The following TXLNB variants were observed in gnomAD, a reference collection of about 807,000 sequenced individuals.
TXLNB encodes the protein beta-taxilin.
Under a neutral mutation model 57.4 loss-of-function variants are expected in TXLNB, and 37 were observed. That is an observed-to-expected ratio of 0.64 (90% CI 0.50 to 0.85). The LOEUF is 0.85. Ranked by LOEUF, TXLNB falls within the 40% of genes least tolerant of loss-of-function variation. The pLI, the probability that TXLNB is intolerant of heterozygous loss-of-function variation, is 0.00. For missense variants in TXLNB, 848 were observed against 825.6 expected (o/e 1.03, Z -0.33); for synonymous variants, 302 against 309.6 (o/e 0.98, Z 0.26).
chr6:139,176,933 T>TC, the TXLNB span: 1 of 867,024 alleles, frequency 1.2e-6, no homozygotes, highest in Non-Finnish European at 2.0e-6. This position sits in a 1 kb window ranked among gnomAD's most constrained non-coding sequence, Gnocchi z 4.5. Flanking sequence ...GGTGTCTGTT[T>TC]CCCCCAGGCC....
chr6:139,210,816 G>A, the TXLNB span, among the ~76,000 whole-genome samples: 3 of 152,218 alleles, frequency 2.0e-5, no homozygotes, highest in South Asian at 2.1e-4. Flanking sequence ...CTTAGCAAAC[G>A]GCACACCAGG....
At chr6:139,316,074 G>C in the TXLNB span, among the ~76,000 whole-genome samples, 1 of 152,182 alleles carries the variant, frequency 6.6e-6, no homozygotes, top group Non-Finnish European at 1.5e-5. Context: ...TATTTGGTAA[G>C]AATATACAGA....
intron 3 of TXLNB, among the ~76,000 whole-genome samples, chr6:139,273,889 A>C (rs1368991708): frequency 6.6e-6 from 1 of 152,248 alleles, no homozygotes; most frequent in East Asian, 1.9e-4. Flanking sequence ...TGAAAAATAC[A>C]CATTCCCTGC....
intron 2 of TXLNB, among the ~76,000 whole-genome samples, chr6:139,281,069 T>A (rs891432314): frequency 5.9e-5 from 9 of 152,060 alleles, no homozygotes; most frequent in African/African-American, 1.4e-4. Flanking sequence ...TTTATTTTTT[T>A]ATTTTTATTA....
rs1775975566 is a variant in TXLNB, at chr6:139,242,806, C to T, written c.1775G>A (p.Gly592Asp). ...ATCAGCCTGTGCTCCAACAGGGAGA[C>T]CCTCGCATTGGGTTTCTGCTCCCAA... The part of the protein sequence containing the change: ...AGLGAETQCE[G>D]LPVGAQADQA... The change falls in exon 10 of 10, where the codon GGT (glycine) becomes GAT (aspartate). Residue 592 changes from glycine to aspartate, a missense_variant. Gly to Asp is a moderately conservative substitution (Grantham distance 94, BLOSUM62 -1). Transcript: ENST00000358430. The T allele has an allele frequency of 4.3e-6, 7 of 1,614,110 alleles. No individual in the cohort carries two copies. Among genetic ancestry groups the T allele is most frequent in the East Asian group, 2.2e-5 (1 of 44,878 alleles).
chr6:139,297,327 A>G, the TXLNB span, among the ~76,000 whole-genome samples: 1 of 152,226 alleles, frequency 6.6e-6, no homozygotes, highest in South Asian at 2.1e-4. Context: ...GCAGTCCAGT[A>G]ATGAAATGAC....
the TXLNB span, among the ~76,000 whole-genome samples, chr6:139,302,852 T>C: frequency 6.6e-6 from 1 of 152,126 alleles, no homozygotes; most frequent in Non-Finnish European, 1.5e-5. Context: ...TATTGTGTAA[T>C]AAAACTGGAA....
At chr6:139,219,298 TG>T in the TXLNB span, among the ~76,000 whole-genome samples, 1 of 152,234 alleles carries the variant, frequency 6.6e-6, no homozygotes, top group East Asian at 1.9e-4. Flanking sequence ...GTCCAGTTGC[TG>T]GGTATACAGT....
intron 7 of TXLNB, among the ~76,000 whole-genome samples, chr6:139,252,245 G>A (rs1363632647): frequency 6.6e-6 from 1 of 152,224 alleles, no homozygotes; most frequent in Non-Finnish European, 1.5e-5. Context: ...CCTTAGAAAT[G>A]GGGCCTTGGC....
the TXLNB span, among the ~76,000 whole-genome samples, chr6:139,226,302 C>CAAAAAAAAA: frequency 1.3e-4 from 5 of 39,236 alleles, no homozygotes; most frequent in Non-Finnish European, 1.2e-4. Context: ...GACCCTGTCT[C>CAAAAAAAAA]AAAAAAAAAA....
chr6:139,183,457 A>ACTT, the TXLNB span: 13 of 152,168 alleles, frequency 8.5e-5, no homozygotes, highest in Non-Finnish European at 1.9e-4. Context: ...TTAAATGTGA[A>ACTT]CTTTAGATCC....
chr6:139,178,530 T>C, the TXLNB span: 1 of 151,998 alleles, frequency 6.6e-6, no homozygotes, highest in Non-Finnish European at 1.5e-5. Context: ...TGTGTGGTTT[T>C]TCTTTTCAGA....
At chr6:139,173,495 A>G in the TXLNB span, among the ~76,000 whole-genome samples, 1 of 152,192 alleles carries the variant, frequency 6.6e-6, no homozygotes. Context: ...CTGAAGACCC[A>G]TAGTCTGACT....
the TXLNB span, among the ~76,000 whole-genome samples, chr6:139,224,233 G>T: frequency 1.3e-5 from 2 of 149,012 alleles, no homozygotes; most frequent in East Asian, 4.0e-4. Context: ...ACTCATAGGT[G>T]GGAATTGAAC....
At chr6:139,294,832 T>C (rs891990940), upstream of TXLNB, among the ~76,000 whole-genome samples, 1 of 152,044 alleles carries the variant, frequency 6.6e-6, no homozygotes, top group African/African-American at 2.4e-5. Context: ...TCTACTAAAA[T>C]ACAGAAATTA....
the TXLNB span, among the ~76,000 whole-genome samples, chr6:139,211,193 C>A: frequency 1.3e-5 from 2 of 152,210 alleles, no homozygotes; most frequent in African/African-American, 4.8e-5. Flanking sequence ...TCAAGTGGGT[C>A]CCTGACCCCT....
At chr6:139,215,673 A>G in the TXLNB span, among the ~76,000 whole-genome samples, 1 of 152,238 alleles carries the variant, frequency 6.6e-6, no homozygotes. Context: ...AGAAACTACC[A>G]TCAGAGTGAA....
At chr6:139,269,279 A>C (rs1776698580) in intron 4 of TXLNB, 1 of 152,226 alleles carries the variant, frequency 6.6e-6, no homozygotes, top group African/African-American at 2.4e-5. Context: ...TTTGTTGATA[A>C]ATGATCCCAC....
In TXLNB at chr6:139,276,840, T is replaced by C; in HGVS notation, c.506A>G (p.Tyr169Cys). The C allele has an allele frequency of 6.2e-7, 1 of 1,607,888 alleles. No individual in the cohort carries two copies. The highest frequency in any genetic ancestry group is 8.5e-7 in the Non-Finnish European group (1 of 1,177,950). ...EEKFDFLFKK[Y>C]AELLDEHRTE... Reference sequence around the variant, plus strand: ...AATCCAAGATCTTACCAATTCAGCATACTTCTTGAATAAAAAATCAAACTT... The same window carrying C: ...AATCCAAGATCTTACCAATTCAGCACACTTCTTGAATAAAAAATCAAACTT... The change falls in exon 3 of 10, where the codon TAT becomes TGT. Residue 169 changes from tyrosine to cysteine, a missense_variant. By Grantham distance (194) the Tyr-to-Cys change is radical. Coordinates refer to ENST00000358430, the MANE Select transcript of TXLNB (RefSeq NM_153235.4).
Sources: gnomAD v4.1 joint callset for allele counts (sites outside exome capture counted in the v4.1 genomes callset) on GRCh38, gnomAD v4.1.1 for gene constraint, Gnocchi (gnomAD v3.1) non-coding constraint, MANE v1.5 for transcripts, NCBI Gene and HGNC (gene_info 2026-07-23, HGNC 2026-07-21) for gene names.